The following KIF26B variants were observed in gnomAD, a reference collection of about 807,000 sequenced individuals.
KIF26B encodes kinesin-like protein KIF26B.
In KIF26B, 63 loss-of-function variants were observed where a neutral mutation model predicts 151.2. The observed-to-expected ratio is 0.42, with a 90% CI of 0.34 to 0.51. The LOEUF (loss-of-function observed/expected upper bound fraction) is 0.51, where lower values mean the gene tolerates loss of function less well. KIF26B is among the 20% of genes least tolerant of loss of function. KIF26B has a pLI of 0.07. For synonymous variants in KIF26B, 1,357 were observed against 1,262.1 expected (o/e 1.08, Z -1.59); for missense variants, 2,813 against 2,913.6 (o/e 0.97, Z 0.79).
intron 2 of KIF26B, among the ~76,000 whole-genome samples, chr1:245,232,298 A>G (rs1670014353): frequency 6.6e-6 from 1 of 152,232 alleles, no homozygotes; most frequent in African/African-American, 2.4e-5. Flanking sequence ...GAAGCAGGAC[A>G]GTCAGGAGTA....
At chr1:245,260,222 G>A (rs1438277205) in intron 2 of KIF26B, among the ~76,000 whole-genome samples, 2 of 152,156 alleles carry the variant, frequency 1.3e-5, no homozygotes, top group African/African-American at 4.8e-5. Context: ...TTCGGTAGAA[G>A]CGTGGCCTGC....
chr1:245,565,366 G>A (rs1236091723), intron 5 of KIF26B, among the ~76,000 whole-genome samples: 1 of 151,098 alleles, frequency 6.6e-6, no homozygotes, highest in African/African-American at 2.4e-5. Context: ...TCAGCTCACT[G>A]CAACCTCCAC....
At position 245,241,600 on chromosome 1, in the gene KIF26B, T is replaced by C. The variant is rs1553337868; in HGVS notation, c.465+84917T>C. 6.6e-6 allele frequency among the ~76,000 whole-genome samples: 1 copy of C among 152,200 alleles called. No homozygotes were observed. Among genetic ancestry groups the C allele is most frequent in the Non-Finnish European group, 1.5e-5 (1 of 68,030 alleles). ...AACCTGCCCTTTCCTTGCAGCCCAA[T>C]GGCCTCAGGAGACAGTGACTCACGC... is the stretch of plus-strand genomic sequence containing the variant. On this transcript the variant is annotated intron_variant, in intron 2 of 14. Transcript: ENST00000407071. The surrounding 1 kb of genome is among the most constrained non-coding windows in gnomAD (Gnocchi z 5.0).
intron 10 of KIF26B, among the ~76,000 whole-genome samples, chr1:245,679,464 T>TTTTG (rs1201993452): frequency 8.2e-6 from 1 of 122,126 alleles, no homozygotes; most frequent in African/African-American, 3.8e-5. Flanking sequence ...TGTGTTTTTT[T>TTTTG]TTTTTTTTTT....
rs1241231647 is a variant in KIF26B at position 245,560,448 on chromosome 1, C to T, written c.1350+19498C>T. 2.0e-5 allele frequency among the ~76,000 whole-genome samples: 3 copies of T among 152,118 alleles called. No homozygotes were observed. Among genetic ancestry groups the T allele is most frequent in the Non-Finnish European group, 4.4e-5 (3 of 68,012 alleles). On this transcript the variant is annotated intron_variant, in intron 5 of 14. Transcript: ENST00000407071. The surrounding 1 kb of genome is among the most constrained non-coding windows in gnomAD (Gnocchi z 4.3). ...CTTATGGTATTACTTTATTTTAATT[C>T]TGCCATGACATTTGTGGCGGTTGTT... is the stretch of plus-strand genomic sequence containing the variant.
chr1:245,395,455 C>G (rs551411727), intron 3 of KIF26B, among the ~76,000 whole-genome samples: 2 of 152,156 alleles, frequency 1.3e-5, no homozygotes, highest in Admixed American at 6.5e-5. Flanking sequence ...CTTTCCTGTT[C>G]GCTGCAGAGC....
intron 12 of KIF26B, among the ~76,000 whole-genome samples, chr1:245,691,079 T>C (rs1053076751): frequency 2.0e-5 from 3 of 152,272 alleles, no homozygotes; most frequent in Non-Finnish European, 4.4e-5. Context: ...TGTCCCACAG[T>C]GCTTTCATGG....
intron 5 of KIF26B, among the ~76,000 whole-genome samples, chr1:245,585,832 C>G (rs190258872): frequency 1.7e-4 from 26 of 152,320 alleles, no homozygotes; most frequent in Admixed American, 1.6e-3. Context: ...ATGGCTGCTA[C>G]TAGCATGCAT....
chr1:245,302,724 C>T (rs1266368581), intron 2 of KIF26B, among the ~76,000 whole-genome samples: 3 of 152,080 alleles, frequency 2.0e-5, no homozygotes, highest in Non-Finnish European at 2.9e-5. Flanking sequence ...GGTGCGGTGG[C>T]TCACACCTGT....
chr1:245,316,555 A>T (rs1445775477), intron 2 of KIF26B, among the ~76,000 whole-genome samples: 2 of 151,764 alleles, frequency 1.3e-5, no homozygotes. Context: ...TTTAATCATC[A>T]TCGGCCTCTT....
chr1:245,224,715 C>G (rs1005685778), intron 2 of KIF26B, among the ~76,000 whole-genome samples: 2 of 152,146 alleles, frequency 1.3e-5, no homozygotes, highest in East Asian at 1.9e-4. Context: ...ATATGTATAA[C>G]TCACTGAATA....
At chr1:245,406,663 C>T (rs1303879715) in intron 3 of KIF26B, among the ~76,000 whole-genome samples, 1 of 152,162 alleles carries the variant, frequency 6.6e-6, no homozygotes, top group Admixed American at 6.5e-5. Flanking sequence ...CATTGTCTTT[C>T]CCCTTGGCAG....
chr1:245,308,489 T>A (rs1671600178), intron 2 of KIF26B, among the ~76,000 whole-genome samples: 1 of 152,218 alleles, frequency 6.6e-6, no homozygotes, highest in African/African-American at 2.4e-5. Context: ...TGCCTTGCTC[T>A]AAAATAAACT....
chr1:245,469,484 GTATGTATTATTAATATTTAA>G (rs1659863376), intron 4 of KIF26B, among the ~76,000 whole-genome samples: 1 of 152,168 alleles, frequency 6.6e-6, no homozygotes. Context: ...CAGGCATATA[GTATGTATTATTAATATTTAA>G]TATGTATTAT....
chr1:245,443,178 A>G (rs1334927130), intron 4 of KIF26B, among the ~76,000 whole-genome samples: 1 of 140,750 alleles, frequency 7.1e-6, no homozygotes. Context: ...AGGAGAGGTC[A>G]TCTCCCTCAC....
At chr1:245,183,399 T>C (rs1412810290) in intron 2 of KIF26B, among the ~76,000 whole-genome samples, 1 of 152,218 alleles carries the variant, frequency 6.6e-6, no homozygotes, top group Non-Finnish European at 1.5e-5. Flanking sequence ...CTTCCAGATT[T>C]TTGTCTTAAG....
intron 5 of KIF26B, among the ~76,000 whole-genome samples, chr1:245,594,149 CT>C (rs2043317838): frequency 6.6e-6 from 1 of 152,154 alleles, no homozygotes; most frequent in Non-Finnish European, 1.5e-5. Context: ...GTTTCTTTTG[CT>C]GTGCAGAAGC....
At chr1:245,640,143 C>CTCTCTCTATATATA in intron 9 of KIF26B, among the ~76,000 whole-genome samples, 6 of 31,924 alleles carry the variant, frequency 1.9e-4, no homozygotes, top group African/African-American at 8.3e-4. Flanking sequence ...CTCTCTCTCT[C>CTCTCTCTATATATA]TATATATATA....
intron 3 of KIF26B, among the ~76,000 whole-genome samples, chr1:245,393,452 C>G (rs1673748673): frequency 6.6e-6 from 1 of 152,054 alleles, no homozygotes; most frequent in Non-Finnish European, 1.5e-5. Context: ...TCTCCTTCCG[C>G]AAAGATGGCT....
Sources: allele counts gnomAD v4.1 joint callset (sites outside exome capture counted in the v4.1 genomes callset), GRCh38; gene constraint gnomAD v4.1.1; non-coding constraint Gnocchi (gnomAD v3.1); transcripts MANE v1.5; gene names NCBI Gene and HGNC (gene_info 2026-07-23, HGNC 2026-07-21).